Variants in RBFOX3 observed in about 807,000 individuals in gnomAD.
The protein encoded by RBFOX3 is RNA binding protein fox-1 homolog 3.
In RBFOX3, 17 loss-of-function variants were observed where a neutral mutation model predicts 48.7. The ratio of observed to expected loss-of-function variants is 0.35; its 90% CI spans 0.24 to 0.52. The LOEUF is 0.52. RBFOX3 is among the 20% of genes least tolerant of loss of function. RBFOX3 has a pLI of 0.94. For synonymous variants in RBFOX3, 212 were observed against 209.5 expected, an observed-to-expected ratio of 1.01 and a Z score of -0.10; for missense variants, 382 against 497.5, an observed-to-expected ratio of 0.77 and a Z score of 2.21.
intron 4 of RBFOX3, among the ~76,000 whole-genome samples, chr17:79,143,235 T>C (rs1374503567): frequency 1.2e-4 from 18 of 152,080 alleles, no homozygotes; most frequent in Admixed American, 1.2e-3. Context: ...CTGTGCCAGC[T>C]CGCCCGAGTC....
intron 1 of RBFOX3, among the ~76,000 whole-genome samples, chr17:79,606,430 C>T (rs1024379431): frequency 2.6e-5 from 4 of 152,162 alleles, no homozygotes; most frequent in Admixed American, 6.5e-5. Context: ...CCGGGCAAGA[C>T]GCATCCAGAA....
At chr17:79,484,462 AGGGCCTGGGTGCAGG>A (rs1200846338) in intron 1 of RBFOX3, among the ~76,000 whole-genome samples, 2 of 139,604 alleles carry the variant, frequency 1.4e-5, no homozygotes, top group East Asian at 2.1e-4. Flanking sequence ...TGGCTGGGAG[AGGGCCTGGGTGCAGG>A]GGGCCTGGGT....
chr17:79,586,867 G>C (rs2093266665), intron 1 of RBFOX3, among the ~76,000 whole-genome samples: 1 of 152,166 alleles, frequency 6.6e-6, no homozygotes. Context: ...TGGTGATGTG[G>C]TTGCAACTGC....
Position 79,361,306 on chromosome 17 carries a change from T to C in RBFOX3, c.-174-53482A>G, listed in dbSNP as rs955383811. On this transcript the variant is annotated intron_variant, in intron 2 of 14. Coordinates refer to ENST00000693108, the MANE Select transcript of RBFOX3 (RefSeq NM_001350451.2). The surrounding 1 kb of genome is among the most constrained non-coding windows in gnomAD (Gnocchi z 4.5). ...GGTTGGCGCCTTGATCCATTTGCCA[T>C]CGGGGCTATCTGAGACGCTCATCGA... Among the ~76,000 whole-genome samples the C allele has an allele frequency of 6.6e-6, 1 of 152,148 alleles. No individual in the cohort carries two copies.
At chr17:79,649,654 G>C in the RBFOX3 span, among the ~76,000 whole-genome samples, 47 of 152,274 alleles carry the variant, frequency 3.1e-4, no homozygotes, top group East Asian at 8.1e-3. Flanking sequence ...TGCAGTGGGC[G>C]GAGATAGCGC....
At chr17:79,622,074 G>C in the RBFOX3 span, among the ~76,000 whole-genome samples, 1 of 151,932 alleles carries the variant, frequency 6.6e-6, no homozygotes, top group East Asian at 1.9e-4. Flanking sequence ...GCTTTTCTAA[G>C]GTGTCCTTTC....
intron 4 of RBFOX3, among the ~76,000 whole-genome samples, chr17:79,225,893 T>G (rs1036489253): frequency 1.3e-5 from 2 of 150,578 alleles, no homozygotes; most frequent in Non-Finnish European, 3.0e-5. Context: ...AAACATAATT[T>G]AGAAAATTGT....
intron 6 of RBFOX3, among the ~76,000 whole-genome samples, chr17:79,106,006 C>G (rs10459887): frequency 6.6e-6 from 1 of 152,160 alleles, no homozygotes; most frequent in South Asian, 2.1e-4. Flanking sequence ...CAGCCCTGCA[C>G]GTTCTCACGG....
chr17:79,146,136 C>T (rs552539437), intron 4 of RBFOX3, among the ~76,000 whole-genome samples: 124 of 152,256 alleles, frequency 8.1e-4, no homozygotes, highest in Admixed American at 2.2e-3. Flanking sequence ...TGAATACAGA[C>T]GAAGCTTCAC....
intron 3 of RBFOX3, among the ~76,000 whole-genome samples, chr17:79,266,264 C>T (rs62062910): frequency 0.07 from 10,655 of 152,292 alleles, 435 homozygotes; most frequent in South Asian, 0.12. Context: ...CTTCTTGGCA[C>T]ATTCCCCTTG....
At chr17:79,637,682 C>T in the RBFOX3 span, among the ~76,000 whole-genome samples, 1 of 139,000 alleles carries the variant, frequency 7.2e-6, no homozygotes, top group Non-Finnish European at 1.5e-5. Context: ...GCAACAAGAG[C>T]AAAACTCTGT....
chr17:79,322,796 C>T (rs774994127), intron 2 of RBFOX3, among the ~76,000 whole-genome samples: 1 of 152,158 alleles, frequency 6.6e-6, no homozygotes, highest in Non-Finnish European at 1.5e-5. Flanking sequence ...CAAGGGGGGC[C>T]TGGGATGTTC....
chr17:79,280,736 GCA>G (rs2144368895), intron 3 of RBFOX3, among the ~76,000 whole-genome samples: 1 of 151,364 alleles, frequency 6.6e-6, no homozygotes, highest in South Asian at 2.1e-4. Context: ...TCAAAGCTGA[GCA>G]CAATGAACCG....
rs563851017 is a variant in RBFOX3, at chr17:79,368,152, C to T, written c.-174-60328G>A. Among the ~76,000 whole-genome samples, 17 of 152,326 alleles carry T rather than the reference C, an allele frequency of 1.1e-4. No individual in the cohort carries two copies. The East Asian group carries it at 2.9e-3, about 26-fold the overall frequency. ...CGCATTGGCCCTGTCTTTCCTTCCA[C>T]GGGATCCCACGGGATGGGTTCTCTT... On this transcript the variant is annotated intron_variant, in intron 2 of 14. Transcript: ENST00000693108.
chr17:79,133,251 G>A (rs2039404287), intron 4 of RBFOX3, among the ~76,000 whole-genome samples: 1 of 152,182 alleles, frequency 6.6e-6, no homozygotes, highest in Non-Finnish European at 1.5e-5. Flanking sequence ...GGAAACCAGA[G>A]GAGCGGGTCC....
At chr17:79,147,794 C>T (rs976782238) in intron 4 of RBFOX3, among the ~76,000 whole-genome samples, 1 of 152,242 alleles carries the variant, frequency 6.6e-6, no homozygotes, top group African/African-American at 2.4e-5. Flanking sequence ...CGGTGGGCGA[C>T]GAGGCAGTAG....
chr17:79,467,011 C>T (rs898580673), intron 2 of RBFOX3, among the ~76,000 whole-genome samples: 1 of 152,248 alleles, frequency 6.6e-6, no homozygotes, highest in Non-Finnish European at 1.5e-5. Context: ...CCTCTGTGCA[C>T]ATGCATGACA....
intron 1 of RBFOX3, among the ~76,000 whole-genome samples, chr17:79,527,631 A>T (rs1460841702): frequency 6.6e-6 from 1 of 152,228 alleles, no homozygotes; most frequent in Non-Finnish European, 1.5e-5. Flanking sequence ...CTTCTGAGCC[A>T]TGAAAATGGC....
chr17:79,420,863 T>C (rs577190378), intron 2 of RBFOX3, among the ~76,000 whole-genome samples: 1 of 152,268 alleles, frequency 6.6e-6, no homozygotes, highest in East Asian at 1.9e-4. Flanking sequence ...AGTAACAATG[T>C]GATGTGGGGG....
Sources: allele counts gnomAD v4.1 joint callset (sites outside exome capture counted in the v4.1 genomes callset), GRCh38; gene constraint gnomAD v4.1.1; non-coding constraint Gnocchi (gnomAD v3.1); transcripts MANE v1.5; gene names NCBI Gene and HGNC (gene_info 2026-07-23, HGNC 2026-07-21).